The following GOLGA4 variants were observed in gnomAD, a reference collection of about 807,000 sequenced individuals.
GOLGA4 encodes golgin A4, also known as golgin subfamily A member 4.
In GOLGA4, 169 loss-of-function variants were observed where a neutral mutation model predicts 265.9. That is an observed-to-expected ratio of 0.64 (90% CI 0.56 to 0.72). The LOEUF (loss-of-function observed/expected upper bound fraction) is 0.72, where lower values mean the gene tolerates loss of function less well. GOLGA4 is among the 30% of genes least tolerant of loss of function. The pLI is 0.00. For missense variants in GOLGA4, 2,482 were observed against 2,483.4 expected (o/e 1.00, Z 0.01); for synonymous variants, 923 against 855.8 (o/e 1.08, Z -1.37).
chr3:37,283,302 G>A (rs959248168), intron 3 of GOLGA4, among the ~76,000 whole-genome samples: 1 of 152,050 alleles, frequency 6.6e-6, no homozygotes, highest in African/African-American at 2.4e-5. Flanking sequence ...TATAAACAAG[G>A]CACTAAAGCC....
At chr3:37,308,858 C>T (rs1024873471) in intron 10 of GOLGA4, among the ~76,000 whole-genome samples, 6 of 152,078 alleles carry the variant, frequency 3.9e-5, no homozygotes, top group African/African-American at 1.4e-4. Context: ...TCGTGATCTG[C>T]CCGCCTCGGC....
chr3:37,315,839 C>CTGAGA (rs2096936182), intron 11 of GOLGA4, among the ~76,000 whole-genome samples: 1 of 152,148 alleles, frequency 6.6e-6, no homozygotes, highest in Admixed American at 6.5e-5. Flanking sequence ...TGTGCCTTAA[C>CTGAGA]TGTTCTGTGG....
chr3:37,291,335 C>T (rs1201120126), intron 5 of GOLGA4, among the ~76,000 whole-genome samples: 1 of 152,066 alleles, frequency 6.6e-6, no homozygotes, highest in South Asian at 2.1e-4. Flanking sequence ...GGGAGTTATA[C>T]TCAAGAAAAT....
intron 17 of GOLGA4, 85 bp from the exon 18 acceptor site, chr3:37,337,058 T>C (rs2097016030): frequency 2.2e-6 from 2 of 899,032 alleles, no homozygotes; most frequent in Non-Finnish European, 3.5e-6. Context: ...ACTTCCTTTT[T>C]CCTTATATCT....
intron 23 of GOLGA4, among the ~76,000 whole-genome samples, chr3:37,362,813 C>T (rs574511418): frequency 6.9e-4 from 43 of 62,014 alleles, no homozygotes; most frequent in African/African-American, 1.8e-3. Context: ...GACGGAGTCT[C>T]GCTCTGTCAC....
At chr3:37,318,986 A>G (rs2096946245) in intron 11 of GOLGA4, 77 bp from the exon 12 acceptor site, 1 of 968,912 alleles carries the variant, frequency 1.0e-6, no homozygotes, top group South Asian at 2.1e-5. Context: ...TGAGTAAATT[A>G]TAATAGTATT....
At chr3:37,281,539 C>T (rs1411530494) in intron 2 of GOLGA4, among the ~76,000 whole-genome samples, 1 of 152,210 alleles carries the variant, frequency 6.6e-6, no homozygotes, top group Non-Finnish European at 1.5e-5. Flanking sequence ...ATGGTATATA[C>T]CTACATTTTA....
chr3:37,365,799 CT>C lies in GOLGA4; in HGVS notation c.*34-265del, dbSNP rs376627490. ...AGATTTAGTGTTTAGACAATTTCTACTTTTTTTTTTTTTTTTCAGAATGGGG... is the reference window on the plus strand; with the variant it reads ...AGATTTAGTGTTTAGACAATTTCTACTTTTTTTTTTTTTTTCAGAATGGGG... On this transcript the variant is annotated intron_variant, in intron 23 of 23. Coordinates refer to ENST00000361924, the MANE Select transcript of GOLGA4 (RefSeq NM_002078.5). Among the ~76,000 whole-genome samples, 247 of 129,774 alleles carry C rather than the reference CT, an allele frequency of 1.9e-3. 1 individual carries two copies. Among genetic ancestry groups the C allele is most frequent in the African/African-American group, 2.9e-3 (104 of 35,654 alleles). The allele number at this position is 129,774 out of a possible 152,430, so 85.1% of individuals were successfully genotyped here.
chr3:37,295,739 T>A (rs1335237456), intron 6 of GOLGA4, among the ~76,000 whole-genome samples: 1 of 152,224 alleles, frequency 6.6e-6, no homozygotes. Context: ...ATGTGTGGAT[T>A]CAACCAACTG....
At chr3:37,267,790 C>T (rs2096787610) in intron 2 of GOLGA4, among the ~76,000 whole-genome samples, 1 of 152,096 alleles carries the variant, frequency 6.6e-6, no homozygotes, top group Non-Finnish European at 1.5e-5. Flanking sequence ...ATTGATTTAA[C>T]TTATTAGGTA....
intron 1 of GOLGA4, chr3:37,250,706 T>C (rs1433039941): frequency 6.6e-6 from 1 of 152,184 alleles, no homozygotes. Flanking sequence ...TTTTATACTT[T>C]TAGGGTTGTT....
intron 22 of GOLGA4, among the ~76,000 whole-genome samples, chr3:37,355,789 T>C (rs1457785243): frequency 6.6e-6 from 1 of 152,170 alleles, no homozygotes; most frequent in Non-Finnish European, 1.5e-5. Context: ...AGTAATTTAA[T>C]AAGATCCATT....
At chr3:37,273,459 A>G (rs1460103836) in intron 2 of GOLGA4, 3 of 758,712 alleles carry the variant, frequency 4.0e-6, no homozygotes, top group African/African-American at 1.7e-5. Context: ...GTCTTGGCAC[A>G]TGGGCTTTAT....
chr3:37,327,524 A>G lies in GOLGA4; in HGVS notation c.5638A>G (p.Lys1880Glu), dbSNP rs2096975809. The G allele has an allele frequency of 1.2e-6, 2 of 1,613,676 alleles. No individual in the cohort carries two copies. Among genetic ancestry groups the G allele is most frequent in the African/African-American group, 1.3e-5 (1 of 74,924 alleles). ...HRVEMEELTS[K>E]YEKLQALQQM... ...AGTTGAAATGGAAGAGTTGACCTCAAAATATGAAAAATTACAGGCTTTACA... is the reference window on the plus strand; with the variant it reads ...AGTTGAAATGGAAGAGTTGACCTCAGAATATGAAAAATTACAGGCTTTACA... The change falls in exon 14 of 24, where the codon AAA (lysine) becomes GAA (glutamate). Residue 1880 changes from lysine (K) to glutamate (E), a missense_variant. Physicochemically the swap from Lys to Glu is moderately conservative, Grantham distance 56 (BLOSUM62 1). Coordinates refer to ENST00000361924, the MANE Select transcript of GOLGA4 (RefSeq NM_002078.5).
intron 9 of GOLGA4, among the ~76,000 whole-genome samples, chr3:37,300,824 C>T (rs2096890725): frequency 6.6e-6 from 1 of 152,022 alleles, no homozygotes; most frequent in Non-Finnish European, 1.5e-5. Flanking sequence ...CAGATTTTCT[C>T]TAGTTTCTCA....
chr3:37,305,272 G>A (rs1159840272), intron 10 of GOLGA4, among the ~76,000 whole-genome samples: 4 of 152,300 alleles, frequency 2.6e-5, no homozygotes, highest in African/African-American at 7.2e-5. Context: ...AGATAACAAA[G>A]TTGTAAGTGC....
At chr3:37,308,627 T>TA (rs142534187) in intron 10 of GOLGA4, among the ~76,000 whole-genome samples, 41,247 of 150,160 alleles carry the variant, frequency 0.27, 7,108 homozygotes, top group Non-Finnish European at 0.39. Context: ...TATATATATA[T>TA]TTTTTTGAGA....
chr3:37,302,138 A>G, intron 9 of GOLGA4, 47 bp from the exon 10 acceptor site: 1 of 1,537,856 alleles, frequency 6.5e-7, no homozygotes, highest in Non-Finnish European at 9.0e-7. Context: ...GCTGTTGATG[A>G]TGCAGTTTTG....
intron 21 of GOLGA4, among the ~76,000 whole-genome samples, chr3:37,349,060 G>GCGT (rs1475992774): frequency 2.0e-5 from 3 of 152,106 alleles, no homozygotes; most frequent in Non-Finnish European, 4.4e-5. Context: ...TTTATCTTCA[G>GCGT]CGTCGATTCT....
Sources: allele counts gnomAD v4.1 joint callset (sites outside exome capture counted in the v4.1 genomes callset), GRCh38; gene constraint gnomAD v4.1.1; transcripts MANE v1.5; gene names NCBI Gene and HGNC (gene_info 2026-07-23, HGNC 2026-07-21).